TRIM50: variants seen among roughly 807,000 people sequenced by gnomAD.
TRIM50 encodes the protein tripartite motif containing 50.
In TRIM50, 34 loss-of-function variants were observed where a neutral mutation model predicts 44.9. That is an observed-to-expected ratio of 0.76 (90% CI 0.58 to 1.01). The LOEUF is 1.01. Ranked by LOEUF, TRIM50 falls within the 50% of genes least tolerant of loss-of-function variation. The pLI is 0.00. For synonymous variants in TRIM50, 307 were observed against 291.1 expected (o/e 1.05, Z -0.56); for missense variants, 633 against 663.7 (o/e 0.95, Z 0.51).
chr7:73,315,278 AAG>A, intron 6 of TRIM50: 1 of 153,800 alleles, frequency 6.5e-6, no homozygotes, highest in East Asian at 1.9e-4. Flanking sequence ...AAAAAAAAAA[AAG>A]AAATGTGAGA....
intron 2 of TRIM50, among the ~76,000 whole-genome samples, chr7:73,321,341 A>AGGT (rs1244959256): frequency 4.6e-5 from 7 of 152,182 alleles, no homozygotes; most frequent in Admixed American, 4.6e-4. Context: ...GGGACCCATC[A>AGGT]GGTGAACTCT....
At chr7:73,321,184 T>C (rs1209282980) in intron 2 of TRIM50, among the ~76,000 whole-genome samples, 1 of 152,054 alleles carries the variant, frequency 6.6e-6, no homozygotes, top group Non-Finnish European at 1.5e-5. Flanking sequence ...TTTTAAAGAA[T>C]ATTCTGCATT....
At chr7:73,325,651 A>G (rs1165731753) in intron 1 of TRIM50, 1 of 153,848 alleles carries the variant, frequency 6.5e-6, no homozygotes, top group Non-Finnish European at 1.5e-5. Flanking sequence ...TGTGTCCCCA[A>G]GGTCACCAGA....
chr7:73,319,143 C>T lies in TRIM50; in HGVS notation c.496-91G>A, dbSNP rs1278453791. ...TCGGTGTCCCCAGGGCCTTCCTGAC[C>T]GGGTTGGTCCTGGGACCTGAGTCTC... On this transcript the variant is annotated intron_variant, in intron 3 of 6. Transcript: ENST00000333149. The T allele has an allele frequency of 2.3e-5, 37 of 1,596,104 alleles. No homozygotes were observed. The East Asian group carries it at 2.9e-4, about 13-fold the overall frequency.
Position 73,320,257 on chromosome 7 carries a change from C to A in TRIM50, c.400-15G>T, listed in dbSNP as rs781926712. On this transcript the variant is annotated splice_polypyrimidine_tract_variant and intron_variant, in intron 2 of 6. Coordinates refer to ENST00000333149, the MANE Select transcript of TRIM50 (RefSeq NM_178125.3). ...GCGAGCTCCTCCTGGAGGCAACAGG[C>A]CATGGCCCCATGAGCAGCTGATCCC... 1.9e-6 allele frequency: 3 copies of A among 1,614,018 alleles called. No individual in the cohort carries two copies. Among genetic ancestry groups the A allele is most frequent in the Non-Finnish European group, 2.5e-6 (3 of 1,179,868 alleles).
intron 5 of TRIM50, among the ~76,000 whole-genome samples, chr7:73,317,353 C>CTTTT (rs547252453): frequency 8.5e-6 from 1 of 117,968 alleles, no homozygotes; most frequent in African/African-American, 3.2e-5. Flanking sequence ...CATGCCAAGA[C>CTTTT]TTTTTTTTTT....
Position 73,313,579 on chromosome 7 carries a change from A to T in TRIM50, c.875-69T>A. On this transcript the variant is annotated intron_variant, in intron 6 of 6. Coordinates refer to ENST00000333149, the MANE Select transcript of TRIM50 (RefSeq NM_178125.3). This position sits in a 1 kb window ranked among gnomAD's most constrained non-coding sequence, Gnocchi z 4.9. Reference sequence around the variant, plus strand: ...CAGCAGACCCGGCCCACAGAAGCTGATGGAGGCCCTGAACTCCCCAAGGAG... The same window carrying T: ...CAGCAGACCCGGCCCACAGAAGCTGTTGGAGGCCCTGAACTCCCCAAGGAG... The T allele has an allele frequency of 7.5e-7, 1 of 1,335,730 alleles. No homozygotes were observed. The highest frequency in any genetic ancestry group is 1.5e-5 in the South Asian group (1 of 66,028). 82.7% of individuals were successfully genotyped at this position (1,335,730 alleles called of 1,614,324 possible). A position where few individuals can be genotyped will look rare whatever the true frequency, so the allele number is the denominator to read the frequency against.
rs149613421 is a variant in TRIM50 at position 73,318,992 on chromosome 7, C to T, written c.556G>A (p.Val186Met). Residue 186 changes from valine to methionine, a missense_variant, in exon 4 of 7, where the codon GTG becomes ATG. Coordinates refer to ENST00000333149, the MANE Select transcript of TRIM50 (RefSeq NM_178125.3). ...AGGCAGCGGGCCTTCTCCTCATCCA[C>T]CAGGTGGTGCAGCTCCTGGAACTCG... ...RREFQELHHL[V>M]DEEKARCLEG... 1.2e-6 allele frequency: 2 copies of T among 1,614,046 alleles called. No individual in the cohort carries two copies. Among genetic ancestry groups the T allele is most frequent in the Non-Finnish European group, 1.7e-6 (2 of 1,179,874 alleles).
In TRIM50 at chr7:73,316,550, G is replaced by A. The variant is rs373401669; in HGVS notation, c.874+15C>T. 5.1e-5 allele frequency: 83 copies of A among 1,613,698 alleles called. No homozygotes were observed. The highest frequency in any genetic ancestry group is 9.3e-5 in the African/African-American group (7 of 74,946). ...GGCGGCAGCCCTCAGGAAGGAGGAC[G>A]GGTCAGGGCCTCACCTGGCAAAACT... On this transcript the variant is annotated intron_variant, in intron 6 of 6. Transcript: ENST00000333149.
At chr7:73,322,607 G>A (rs1363997758) in intron 2 of TRIM50, among the ~76,000 whole-genome samples, 1 of 152,126 alleles carries the variant, frequency 6.6e-6, no homozygotes, top group African/African-American at 2.4e-5. Context: ...TTTCACACAC[G>A]TGATCTCCTT....
intron 2 of TRIM50, among the ~76,000 whole-genome samples, chr7:73,322,408 G>T (rs1407598945): frequency 2.6e-5 from 4 of 152,070 alleles, no homozygotes; most frequent in African/African-American, 9.7e-5. Context: ...CTGGGCTGCT[G>T]GATCCTAACC....
chr7:73,316,594 C>T lies in TRIM50; in HGVS notation c.845G>A (p.Trp282Ter), dbSNP rs782695612. The T allele has an allele frequency of 4.8e-5, 78 of 1,614,114 alleles. No individual in the cohort carries two copies. The highest frequency in any genetic ancestry group is 5.3e-5 in the Non-Finnish European group (63 of 1,180,050). The part of the protein sequence containing the change: ...LHQADIKLTV[W>*]KRLFRKVLPA... Reference sequence around the variant, plus strand: ...CAAAACTTTCCGGAAGAGCCTTTTCCACACGGTCAGCTTGATGTCAGCCTG... The same window carrying T: ...CAAAACTTTCCGGAAGAGCCTTTTCTACACGGTCAGCTTGATGTCAGCCTG... The change falls in exon 6 of 7, where the codon TGG (tryptophan) becomes TAG (stop). Residue 282 changes from tryptophan (W) to a stop codon, truncating the protein, a stop_gained. Transcript: ENST00000333149. LOFTEE classifies it high-confidence loss of function.
chr7:73,313,206 C>G lies in TRIM50; in HGVS notation c.1179G>C (p.Arg393=). 6.3e-7 allele frequency: 1 copy of G among 1,591,538 alleles called. No individual in the cohort carries two copies. Among genetic ancestry groups the G allele is most frequent in the South Asian group, 1.1e-5 (1 of 87,852 alleles). Reference sequence around the variant, plus strand: ...GGGGGCAGGCAAAGGCTTCGTACACCCGGCCCTCCTTCAGGCCGATCAGCC... The same window carrying G: ...GGGGGCAGGCAAAGGCTTCGTACACGCGGCCCTCCTTCAGGCCGATCAGCC... ...GVWLIGLKEG[R]VYEAFACPRV... The change falls in exon 7 of 7, where the codon CGG becomes CGC. Residue 393 remains arginine (R), a synonymous_variant. Coordinates refer to ENST00000333149, the MANE Select transcript of TRIM50 (RefSeq NM_178125.3). The surrounding 1 kb of genome is among the most constrained non-coding windows in gnomAD (Gnocchi z 4.9).
intron 2 of TRIM50, among the ~76,000 whole-genome samples, chr7:73,323,361 T>C (rs1359891208): frequency 1.3e-5 from 2 of 152,174 alleles, no homozygotes; most frequent in Non-Finnish European, 2.9e-5. Flanking sequence ...GAGTGGCCAC[T>C]GTGCCTGGCC....
At chr7:73,314,861 A>AAG in intron 6 of TRIM50, 2 of 195,126 alleles carry the variant, frequency 1.0e-5, no homozygotes, top group East Asian at 1.6e-4. Flanking sequence ...AAAAAAAAAA[A>AAG]AAAGGAAGGC....
chr7:73,316,224 A>G (rs1804354833), intron 6 of TRIM50, among the ~76,000 whole-genome samples: 1 of 152,196 alleles, frequency 6.6e-6, no homozygotes, highest in Non-Finnish European at 1.5e-5. Context: ...AACTGCAATT[A>G]CTTTTGCACC....
At position 73,319,045 on chromosome 7, in the gene TRIM50, G is replaced by T. The variant is rs782524904; in HGVS notation, c.503C>A (p.Ser168Ter). 1.9e-6 allele frequency: 3 copies of T among 1,613,958 alleles called. No individual in the cohort carries two copies. The highest frequency in any genetic ancestry group is 2.2e-5 in the South Asian group (2 of 91,074). The change falls in exon 4 of 7, where the codon TCG becomes TAG. Residue 168 changes from serine to a stop codon, truncating the protein, a stop_gained. Transcript: ENST00000333149. LOFTEE classifies it high-confidence loss of function. ...GCGGATCACCCAGCTGAAGACATCC[G>T]ACTCATTCTGGGACAGGGAGGGCTG... Reference protein sequence around the residue: ...VNNRTRIVNESDVFSWVIRRE... With the variant: ...VNNRTRIVNE
chr7:73,324,990 GA>G (rs1477951902), intron 1 of TRIM50, among the ~76,000 whole-genome samples, 185 bp from the exon 2 acceptor site: 1 of 150,928 alleles, frequency 6.6e-6, no homozygotes, highest in African/African-American at 2.4e-5. Context: ...AGACTGCAGT[GA>G]AAAAAACTGG....
chr7:73,322,516 T>C (rs1383486210), intron 2 of TRIM50, among the ~76,000 whole-genome samples: 2 of 152,184 alleles, frequency 1.3e-5, no homozygotes, highest in Non-Finnish European at 2.9e-5. Context: ...AGCTTCCACC[T>C]TCCATACTCC....
Sources: gnomAD v4.1 joint callset for allele counts (sites outside exome capture counted in the v4.1 genomes callset) on GRCh38, gnomAD v4.1.1 for gene constraint, Gnocchi (gnomAD v3.1) non-coding constraint, MANE v1.5 for transcripts, NCBI Gene and HGNC (gene_info 2026-07-23, HGNC 2026-07-21) for gene names.